Variants in LRP1B observed in about 807,000 individuals in gnomAD.
LRP1B encodes the protein LDL receptor related protein 1B.
LRP1B carries 217 observed loss-of-function variants against 556.6 expected under a neutral mutation model. That is an observed-to-expected ratio of 0.39 (90% CI 0.35 to 0.44). The LOEUF is 0.44. Among genes scored for constraint, LRP1B ranks in the 20% least tolerant of loss-of-function variants. The pLI, the probability that LRP1B is intolerant of heterozygous loss-of-function variation, is 1.00. For synonymous variants in LRP1B, 2,047 were observed against 1,865.8 expected, an observed-to-expected ratio of 1.10 and a Z score of -2.50; for missense variants, 5,053 against 5,620.8, an observed-to-expected ratio of 0.90 and a Z score of 3.23.
intron 35 of LRP1B, among the ~76,000 whole-genome samples, chr2:140,737,576 G>A (rs1341947797): frequency 6.6e-6 from 1 of 152,112 alleles, no homozygotes; most frequent in East Asian, 1.9e-4. Context: ...CTAGTTAATT[G>A]CCTCTGAAGT....
intron 5 of LRP1B, among the ~76,000 whole-genome samples, chr2:141,234,758 T>C (rs1322739579): frequency 1.3e-5 from 2 of 152,024 alleles, no homozygotes; most frequent in Non-Finnish European, 2.9e-5. Flanking sequence ...CAGAAAATTA[T>C]GTAGTTTAAA....
intron 75 of LRP1B, among the ~76,000 whole-genome samples, chr2:140,354,010 CAG>C (rs1682095464): frequency 6.6e-6 from 1 of 152,048 alleles, no homozygotes; most frequent in South Asian, 2.1e-4. Context: ...GTGATTTAAT[CAG>C]AGTCATGTAG....
At chr2:141,658,826 T>C (rs1690108206) in intron 2 of LRP1B, among the ~76,000 whole-genome samples, 1 of 152,164 alleles carries the variant, frequency 6.6e-6, no homozygotes, top group African/African-American at 2.4e-5. Context: ...AAAAGATGAA[T>C]TGGAACCTGG....
intron 2 of LRP1B, among the ~76,000 whole-genome samples, chr2:141,639,295 A>T (rs1201982282): frequency 9.7e-6 from 1 of 103,032 alleles, no homozygotes; most frequent in Non-Finnish European, 1.9e-5. Flanking sequence ...AGGAGTACGC[A>T]TCATGTGTGT....
At chr2:142,103,386 A>C (rs1706633982) in intron 1 of LRP1B, among the ~76,000 whole-genome samples, 2 of 151,966 alleles carry the variant, frequency 1.3e-5, no homozygotes, top group South Asian at 4.1e-4. Flanking sequence ...TCCTTTGAAT[A>C]TAAAAGCTAC....
intron 7 of LRP1B, among the ~76,000 whole-genome samples, chr2:141,084,276 C>G (rs1699993652): frequency 6.6e-6 from 1 of 152,030 alleles, no homozygotes; most frequent in Non-Finnish European, 1.5e-5. Flanking sequence ...ATGATTGTAC[C>G]TTTTGATACA....
rs371304593 is a variant in LRP1B at position 140,735,990 on chromosome 2, A to G, written c.5759-19174T>C. Among the ~76,000 whole-genome samples, 18 of 152,294 alleles carry G rather than the reference A, an allele frequency of 1.2e-4. No homozygotes were observed. The East Asian group carries it at 2.7e-3, about 23-fold the overall frequency. On this transcript the variant is annotated intron_variant, in intron 35 of 90. Coordinates refer to ENST00000389484, the MANE Select transcript of LRP1B (RefSeq NM_018557.3). ...AAAGTTCTTGGGGCACATTCTCGGT[A>G]TATGGGAATTAACACTCTAGCAAGG...
Position 140,598,754 on chromosome 2 carries a change from C to T in LRP1B, c.7071G>A (p.Val2357=). Residue 2357 remains valine, a synonymous_variant, in exon 43 of 91, where the codon GTG becomes GTA. Transcript: ENST00000389484. Reference sequence around the variant, plus strand: ...TTGGAGTGAGTATGTCTGTACTGACCACCACTTGAGCATTTTTCCCAGTCA... The same window carrying T: ...TTGGAGTGAGTATGTCTGTACTGACTACCACTTGAGCATTTTTCCCAGTCA... ...STLTGKNAQV[V]VSTDILTPNG... 6.2e-7 allele frequency: 1 copy of T among 1,612,848 alleles called. No individual in the cohort carries two copies. Among genetic ancestry groups the T allele is most frequent in the Non-Finnish European group, 8.5e-7 (1 of 1,179,012 alleles).
chr2:140,564,168 C>T (rs1681041734), intron 43 of LRP1B, among the ~76,000 whole-genome samples: 1 of 152,082 alleles, frequency 6.6e-6, no homozygotes, highest in African/African-American at 2.4e-5. Flanking sequence ...GAATACAATG[C>T]CACATTACAA....
intron 84 of LRP1B, among the ~76,000 whole-genome samples, chr2:140,282,172 C>T (rs1573729447): frequency 1.3e-5 from 2 of 151,794 alleles, no homozygotes; most frequent in African/African-American, 4.8e-5. Flanking sequence ...TGATTCCTTC[C>T]TCACCCACCA....
intron 7 of LRP1B, among the ~76,000 whole-genome samples, chr2:141,173,405 T>C (rs771631525): frequency 1.3e-5 from 2 of 152,072 alleles, no homozygotes; most frequent in Non-Finnish European, 2.9e-5. Context: ...TAGCCATTAT[T>C]TCCCTCCACA....
At chr2:142,070,674 A>AACAGAT (rs1448127829) in intron 1 of LRP1B, among the ~76,000 whole-genome samples, 2 of 149,594 alleles carry the variant, frequency 1.3e-5, no homozygotes, top group East Asian at 3.9e-4. Flanking sequence ...TCCCTTTATC[A>AACAGAT]ACAGATACTG....
chr2:141,906,119 A>G (rs1431416738), intron 1 of LRP1B, among the ~76,000 whole-genome samples: 2 of 151,550 alleles, frequency 1.3e-5, no homozygotes. Context: ...ATAGAACTGT[A>G]TTTATTTGAG....
At chr2:141,840,556 A>C (rs352988) in intron 1 of LRP1B, among the ~76,000 whole-genome samples, 116,464 of 151,946 alleles carry the variant, frequency 0.77, 44,764 homozygotes, top group Middle Eastern at 0.84. Context: ...CACGCCCGGC[A>C]TTATTAGAAC....
intron 32 of LRP1B, among the ~76,000 whole-genome samples, chr2:140,783,572 A>T (rs1022349696): frequency 1.3e-5 from 2 of 152,176 alleles, no homozygotes; most frequent in African/African-American, 2.4e-5. Context: ...AGTAGATTAT[A>T]CCTGGTCATG....
intron 2 of LRP1B, among the ~76,000 whole-genome samples, chr2:141,623,018 T>A (rs355581): frequency 0.063 from 9,620 of 152,274 alleles, 508 homozygotes; most frequent in South Asian, 0.15. Flanking sequence ...TGGTTCAGCA[T>A]GACATCAACT....
chr2:141,718,044 A>T (rs1692671841), intron 2 of LRP1B, among the ~76,000 whole-genome samples: 1 of 152,206 alleles, frequency 6.6e-6, no homozygotes, highest in African/African-American at 2.4e-5. Flanking sequence ...AATGTTGCAA[A>T]GGAGTTGGTC....
intron 1 of LRP1B, among the ~76,000 whole-genome samples, chr2:142,022,263 C>A (rs16847932): frequency 0.028 from 4,134 of 149,326 alleles, 131 homozygotes; most frequent in East Asian, 0.12. Flanking sequence ...AAAATGAGCT[C>A]TTAAAACATA....
At chr2:141,516,526 G>A (rs1483132548) in intron 2 of LRP1B, among the ~76,000 whole-genome samples, 1 of 151,980 alleles carries the variant, frequency 6.6e-6, no homozygotes, top group Non-Finnish European at 1.5e-5. Context: ...GAAAAGTAAT[G>A]GGCTCAATCC....
Sources: allele counts gnomAD v4.1 joint callset (sites outside exome capture counted in the v4.1 genomes callset), GRCh38; gene constraint gnomAD v4.1.1; transcripts MANE v1.5; gene names NCBI Gene and HGNC (gene_info 2026-07-23, HGNC 2026-07-21).